Variants in EIPR1 observed in about 807,000 individuals in gnomAD.
EIPR1 encodes the protein EARP and GARP complex-interacting protein 1.
In EIPR1, 25 loss-of-function variants were observed where a neutral mutation model predicts 48.1. The ratio of observed to expected loss-of-function variants is 0.52; its 90% CI spans 0.38 to 0.73. EIPR1 has a LOEUF of 0.73. Ranked by LOEUF, EIPR1 falls within the 30% of genes least tolerant of loss-of-function variation. The pLI is 0.00. For synonymous variants in EIPR1, 204 were observed against 201.9 expected (o/e 1.01, Z -0.09); for missense variants, 415 against 506.2 (o/e 0.82, Z 1.73).
chr2:3,355,223 G>A (rs568768249), intron 1 of EIPR1, among the ~76,000 whole-genome samples: 112 of 152,310 alleles, frequency 7.4e-4, no homozygotes, highest in African/African-American at 2.6e-3. Flanking sequence ...TGATGCTGAC[G>A]AGAGCTTTGA....
intron 4 of EIPR1, among the ~76,000 whole-genome samples, chr2:3,245,787 C>T (rs930951834): frequency 2.0e-5 from 3 of 152,194 alleles, no homozygotes; most frequent in Admixed American, 6.5e-5. Context: ...GGGCCAGGTG[C>T]GGTGGCTCAC....
chr2:3,221,861 G>C (rs1464549927), intron 4 of EIPR1, among the ~76,000 whole-genome samples: 1 of 152,220 alleles, frequency 6.6e-6, no homozygotes, highest in Non-Finnish European at 1.5e-5. Flanking sequence ...CATTTATAGA[G>C]TCAGGTGCAC....
chr2:3,228,630 GT>G (rs1218633126), intron 4 of EIPR1, among the ~76,000 whole-genome samples: 1 of 152,128 alleles, frequency 6.6e-6, no homozygotes, highest in Non-Finnish European at 1.5e-5. Flanking sequence ...GTTTGGCTGT[GT>G]CCCCACCCAA....
chr2:3,292,689 A>G (rs1668405894), intron 3 of EIPR1, among the ~76,000 whole-genome samples: 3 of 152,352 alleles, frequency 2.0e-5, no homozygotes, highest in East Asian at 1.9e-4. Context: ...ACGCAGCCTC[A>G]TGTGATGAAC....
chr2:3,209,058 T>G, intron 5 of EIPR1: 1 of 1,436,086 alleles, frequency 7.0e-7, no homozygotes, highest in Non-Finnish European at 9.1e-7. Flanking sequence ...GGACGCCTGC[T>G]GGTGGGAAGG....
intron 1 of EIPR1, chr2:3,377,375 C>T (rs1659923758): frequency 2.5e-6 from 1 of 406,142 alleles, no homozygotes; most frequent in Non-Finnish European, 4.4e-6. Context: ...TAAATGAGTC[C>T]ACCAAAGTGA....
At chr2:3,260,900 A>C (rs1294289497) in intron 3 of EIPR1, among the ~76,000 whole-genome samples, 1 of 152,248 alleles carries the variant, frequency 6.6e-6, no homozygotes, top group African/African-American at 2.4e-5. Flanking sequence ...ATGTACAGTA[A>C]CTGGATCTCT....
intron 1 of EIPR1, among the ~76,000 whole-genome samples, chr2:3,359,013 G>A (rs1670795988): frequency 6.6e-6 from 1 of 152,224 alleles, no homozygotes; most frequent in Admixed American, 6.5e-5. Context: ...TGCTGTGGAG[G>A]CATCAAAGAG....
chr2:3,243,445 C>G (rs1011103705), intron 4 of EIPR1, among the ~76,000 whole-genome samples: 2 of 152,006 alleles, frequency 1.3e-5, no homozygotes, highest in Non-Finnish European at 2.9e-5. Context: ...GCCCAGCCAA[C>G]GTGGTAAAAC....
chr2:3,336,783 A>C lies in EIPR1; in HGVS notation c.259+1234T>G, dbSNP rs574555068. Among the ~76,000 whole-genome samples the C allele has an allele frequency of 1.1e-4, 16 of 151,572 alleles. No individual in the cohort carries two copies. The South Asian group carries it at 3.3e-3, about 32-fold the overall frequency. ...ACTCTGTCAAGAAAAGAAAAGGAAAAGAAAAGGAAAGGAAAAGAAAAGAAA... is the reference window on the plus strand; with the variant it reads ...ACTCTGTCAAGAAAAGAAAAGGAAACGAAAAGGAAAGGAAAAGAAAAGAAA... On this transcript the variant is annotated intron_variant, in intron 3 of 8. Coordinates refer to ENST00000382125, the MANE Select transcript of EIPR1 (RefSeq NM_003310.5).
At chr2:3,226,169 T>C (rs533572522) in intron 4 of EIPR1, among the ~76,000 whole-genome samples, 1 of 152,258 alleles carries the variant, frequency 6.6e-6, no homozygotes, top group Non-Finnish European at 1.5e-5. Context: ...ATGGGACTGC[T>C]GGGTTGTAGC....
At chr2:3,280,353 C>T (rs1377861941) in intron 3 of EIPR1, among the ~76,000 whole-genome samples, 1 of 152,210 alleles carries the variant, frequency 6.6e-6, no homozygotes, top group Non-Finnish European at 1.5e-5. Context: ...CCCAACTCCT[C>T]GCCCGGCCTC....
chr2:3,332,152 A>G (rs920320314), intron 3 of EIPR1, among the ~76,000 whole-genome samples: 1 of 152,202 alleles, frequency 6.6e-6, no homozygotes, highest in African/African-American at 2.4e-5. Context: ...AGAAACATAC[A>G]TTAGAAATAA....
intron 3 of EIPR1, among the ~76,000 whole-genome samples, chr2:3,265,815 A>G (rs1667469899): frequency 6.6e-6 from 1 of 152,244 alleles, no homozygotes; most frequent in African/African-American, 2.4e-5. Context: ...ACAAATGAGG[A>G]AACTGAGGCC....
chr2:3,192,533 C>T lies in EIPR1; in HGVS notation c.870G>A (p.Thr290=), dbSNP rs761019969. The change falls in exon 8 of 9, where the codon ACG becomes ACA. Residue 290 remains threonine, a synonymous_variant. Transcript: ENST00000382125. The stretch of plus-strand genomic sequence containing the variant: ...GGATGACTCTGCTGTCACTGCTGCC[C>T]GTGAGGACCAGCTGGTCATGAGAGT... The part of the protein sequence containing the change: ...YNHSHDQLVL[T]GSSDSRVILS... 5.3e-5 allele frequency: 85 copies of T among 1,612,894 alleles called. No individual in the cohort carries two copies. The highest frequency in any genetic ancestry group is 6.9e-5 in the Non-Finnish European group (81 of 1,179,878).
intron 5 of EIPR1, among the ~76,000 whole-genome samples, chr2:3,209,384 C>A (rs1398564029): frequency 6.6e-6 from 1 of 152,190 alleles, no homozygotes; most frequent in African/African-American, 2.4e-5. Context: ...GACAAGCAGC[C>A]CAGAAAAAAC....
At position 3,310,433 on chromosome 2, in the gene EIPR1, C is replaced by G. The variant is rs1167147363; in HGVS notation, c.259+27584G>C. On this transcript the variant is annotated intron_variant, in intron 3 of 8. Coordinates refer to ENST00000382125, the MANE Select transcript of EIPR1 (RefSeq NM_003310.5). The stretch of plus-strand genomic sequence containing the variant: ...CTTTGGGAGGCCGAGGTGGGCGGAT[C>G]ACAAGGTCAGGAGACTGAGACCATC... Among the ~76,000 whole-genome samples, 133 of 146,702 alleles carry G rather than the reference C, an allele frequency of 9.1e-4. 1 individual carries two copies. Among genetic ancestry groups the G allele is most frequent in the Middle Eastern group, 3.5e-3 (1 of 284 alleles).
intron 3 of EIPR1, among the ~76,000 whole-genome samples, chr2:3,283,845 C>T (rs1668089863): frequency 6.7e-6 from 1 of 149,816 alleles, no homozygotes; most frequent in Non-Finnish European, 1.5e-5. Flanking sequence ...TCAGAGGAGG[C>T]TGAGGCAGGA....
At chr2:3,302,301 T>C (rs936295008) in intron 3 of EIPR1, among the ~76,000 whole-genome samples, 2 of 152,202 alleles carry the variant, frequency 1.3e-5, no homozygotes, top group African/African-American at 4.8e-5. Flanking sequence ...TGGTGAAGCC[T>C]GGGCAGCACA....
Sources: allele counts gnomAD v4.1 joint callset (sites outside exome capture counted in the v4.1 genomes callset), GRCh38; gene constraint gnomAD v4.1.1; transcripts MANE v1.5; gene names NCBI Gene and HGNC (gene_info 2026-07-23, HGNC 2026-07-21).